USP42: variants seen among roughly 807,000 people sequenced by gnomAD.
USP42 encodes the protein ubiquitin specific peptidase 42.
Under a neutral mutation model 113.0 loss-of-function variants are expected in USP42, and 23 were observed. The ratio of observed to expected loss-of-function variants is 0.20; its 90% confidence interval spans 0.15 to 0.29. USP42 has a LOEUF of 0.29. Ranked by LOEUF, USP42 falls within the 10% of genes least tolerant of loss-of-function variation. The pLI, the probability that USP42 is intolerant of heterozygous loss-of-function variation, is 1.00. For missense variants in USP42, 2,174 were observed against 1,779.8 expected, an observed-to-expected ratio of 1.22 and a Z score of -3.99; for synonymous variants, 933 against 699.0, an observed-to-expected ratio of 1.33 and a Z score of -5.28.
At chr7:6,092,074 TCCTCTTCC>T in the USP42 span, among the ~76,000 whole-genome samples, 8 of 45,024 alleles carry the variant, frequency 1.8e-4, no homozygotes, top group African/African-American at 9.0e-4. Flanking sequence ...TTCTTCTTCT[TCCTCTTCC>T]TCTTCTTCTT....
Position 6,154,056 on chromosome 7 carries a change from C to G in USP42, c.2502C>G (p.Asp834Glu). ...GCGATGCGAGCCCGTTGTCCCAGGA[C>G]GCAAAGGGGATGATCGCGGAGGGCC... is the stretch of plus-strand genomic sequence containing the variant. Reference protein sequence around the residue: ...LTGDASPLSQDAKGMIAEGPR... With the variant: ...LTGDASPLSQEAKGMIAEGPR... Residue 834 changes from aspartate to glutamate, a missense_variant, in exon 15 of 18, where the codon GAC (aspartate) becomes GAG (glutamate). Asp to Glu is a conservative substitution (Grantham distance 45). Transcript: ENST00000306177. 1.2e-6 allele frequency: 2 copies of G among 1,605,982 alleles called. No individual in the cohort carries two copies. The highest frequency in any genetic ancestry group is 1.7e-6 in the Non-Finnish European group (2 of 1,179,312).
At position 6,139,006 on chromosome 7, in the gene USP42, ATATTAT is replaced by A; in HGVS notation, c.554-82_554-77del. On this transcript the variant is annotated intron_variant, in intron 4 of 17. Coordinates refer to ENST00000306177, the MANE Select transcript of USP42 (RefSeq NM_032172.3). The surrounding 1 kb of genome is among the most constrained non-coding windows in gnomAD (Gnocchi z 4.5). ...AGTATTTGGGAGTTTTCCAACCAAC[ATATTAT>A]TATAAGATATATTTTGGGGGGTACA... The A allele has an allele frequency of 3.6e-6, 3 of 825,074 alleles. No homozygotes were observed. The highest frequency in any genetic ancestry group is 5.6e-6 in the Non-Finnish European group (3 of 535,952). 51.1% of individuals were successfully genotyped at this position (825,074 alleles called of 1,614,324 possible). A position where few individuals can be genotyped will look rare whatever the true frequency, so the allele number is the denominator to read the frequency against.
intron 1 of USP42, among the ~76,000 whole-genome samples, chr7:6,106,390 C>G (rs193171585): frequency 3.0e-4 from 46 of 152,294 alleles, no homozygotes; most frequent in Non-Finnish European, 5.7e-4. Context: ...GCCACAGTGT[C>G]TAAATAGTGA....
At chr7:6,088,098 G>A in the USP42 span, among the ~76,000 whole-genome samples, 5 of 150,864 alleles carry the variant, frequency 3.3e-5, 1 homozygote, top group African/African-American at 1.2e-4. Context: ...CCAGGAGTTC[G>A]AGACCCACCT....
intron 14 of USP42, among the ~76,000 whole-genome samples, chr7:6,152,218 C>CA (rs1782103208): frequency 6.6e-6 from 1 of 152,188 alleles, no homozygotes; most frequent in Admixed American, 6.5e-5. Context: ...AGTGACAGCT[C>CA]AGAGTGCGGC....
At position 6,158,940 on chromosome 7, in the gene USP42, GT is replaced by G. The variant is rs5882082; in HGVS notation, c.3944-508del. Among the ~76,000 whole-genome samples the G allele has an allele frequency of 0.087, 13,301 of 152,042 alleles. 992 individuals are homozygous for G. Among genetic ancestry groups the G allele is most frequent in the East Asian group, 0.44 (2,242 of 5,108 alleles). ...CGTGTCTCGGGTGCTGTGGTCAGGC[GT>G]TGTCTGTGTGGTGGCCCTGTGTTTC... On this transcript the variant is annotated intron_variant, in intron 16 of 17. Coordinates refer to ENST00000306177, the MANE Select transcript of USP42 (RefSeq NM_032172.3). This position sits in a 1 kb window ranked among gnomAD's most constrained non-coding sequence, Gnocchi z 4.2.
intron 3 of USP42, among the ~76,000 whole-genome samples, chr7:6,122,809 G>T (rs1035655314): frequency 1.5e-4 from 23 of 150,688 alleles, no homozygotes; most frequent in Non-Finnish European, 3.0e-4. Flanking sequence ...TCACTAAGTT[G>T]CTCAGGCTCA....
chr7:6,111,066 G>C, intron 1 of USP42, 59 bp from the exon 2 acceptor site: 2 of 1,535,598 alleles, frequency 1.3e-6, no homozygotes, highest in Non-Finnish European at 1.8e-6. Context: ...CTAACGGTAG[G>C]GTAAGGAGAT....
chr7:6,129,870 A>G (rs936180013), intron 3 of USP42, among the ~76,000 whole-genome samples: 1 of 152,104 alleles, frequency 6.6e-6, no homozygotes, highest in South Asian at 2.1e-4. Flanking sequence ...CAAAAAAAAA[A>G]AAAAAAGGTT....
chr7:6,114,627 CGT>C (rs1380835040), intron 2 of USP42, among the ~76,000 whole-genome samples: 5 of 112,220 alleles, frequency 4.5e-5, no homozygotes, highest in Middle Eastern at 6.4e-3. Context: ...ACATAAAATA[CGT>C]GTGTGTGTAT....
chr7:6,138,292 A>G (rs1438278642), intron 4 of USP42, among the ~76,000 whole-genome samples: 1 of 152,188 alleles, frequency 6.6e-6, no homozygotes, highest in African/African-American at 2.4e-5. Context: ...TAGCTGTTTA[A>G]TCAATTAGAA....
intron 3 of USP42, among the ~76,000 whole-genome samples, chr7:6,117,790 A>G (rs1779994970): frequency 6.6e-6 from 1 of 152,206 alleles, no homozygotes; most frequent in African/African-American, 2.4e-5. Flanking sequence ...TTGTACTTTC[A>G]TAATGAATAA....
chr7:6,093,563 A>G, the USP42 span, among the ~76,000 whole-genome samples: 1 of 150,440 alleles, frequency 6.6e-6, no homozygotes, highest in Non-Finnish European at 1.5e-5. Context: ...GATTACAGGC[A>G]TGTGCCTCTC....
rs1210429382 is a variant in USP42 at position 6,161,446 on chromosome 7, G to T, written c.*928G>T. Reference sequence around the variant, plus strand: ...AATCTGTATGGTTTATACAGTTTGTGTTGTTCAGAGATGTTTAAAGTTTGA... The same window carrying T: ...AATCTGTATGGTTTATACAGTTTGTTTTGTTCAGAGATGTTTAAAGTTTGA... On this transcript the variant is annotated 3_prime_UTR_variant, in exon 18 of 18. Transcript: ENST00000306177. 6.6e-6 allele frequency: 1 copy of T among 152,572 alleles called. No individual in the cohort carries two copies. Among genetic ancestry groups the T allele is most frequent in the Non-Finnish European group, 1.5e-5 (1 of 68,036 alleles). 9.5% of individuals were successfully genotyped at this position (152,572 alleles called of 1,614,324 possible).
Position 6,154,105 on chromosome 7 carries a change from G to C in USP42, c.2551G>C (p.Ala851Pro), listed in dbSNP as rs112159886. The C allele has an allele frequency of 1.2e-6, 2 of 1,603,746 alleles. No homozygotes were observed. Among genetic ancestry groups the C allele is most frequent in the East Asian group, 4.5e-5 (2 of 44,810 alleles). Residue 851 changes from alanine to proline, a missense_variant, in exon 15 of 18, where the codon GCC becomes CCC. Ala to Pro is a conservative substitution (Grantham distance 27). Transcript: ENST00000306177. Reference sequence around the variant, plus strand: ...CCCGCGGGACTCGGCGTTGGCGGAAGCCCCGGAAGGGTTGAGTCCGGCTCC... The same window carrying C: ...CCCGCGGGACTCGGCGTTGGCGGAACCCCCGGAAGGGTTGAGTCCGGCTCC... Reference protein sequence around the residue: ...EGPRDSALAEAPEGLSPAPPA... With the variant: ...EGPRDSALAEPPEGLSPAPPA...
rs553761080 is a variant in USP42, at chr7:6,154,881, G to A, written c.3327G>A (p.Arg1109=). 5.9e-5 allele frequency: 90 copies of A among 1,526,066 alleles called. No homozygotes were observed. The African/African-American group carries it at 1.1e-3, about 19-fold the overall frequency. 94.5% of individuals were successfully genotyped at this position (1,526,066 alleles called of 1,614,324 possible). A position where few individuals can be genotyped will look rare whatever the true frequency, so the allele number is the denominator to read the frequency against. ...GGGGCTGCGAGCCGGCCCGGGAGAGGGAGCGGCACCGCCCCAGCAGCCCCC... is the reference window on the plus strand; with the variant it reads ...GGGGCTGCGAGCCGGCCCGGGAGAGAGAGCGGCACCGCCCCAGCAGCCCCC... The part of the protein sequence containing the change: ...GRRGCEPARE[R]ERHRPSSPRA... Residue 1109 remains arginine, a synonymous_variant, in exon 15 of 18, where the codon AGG becomes AGA. Transcript: ENST00000306177.
At chr7:6,086,477 T>C in the USP42 span, among the ~76,000 whole-genome samples, 1 of 151,036 alleles carries the variant, frequency 6.6e-6, no homozygotes, top group African/African-American at 2.5e-5. Flanking sequence ...AATGCTGAGA[T>C]TACAGGCGTG....
At chr7:6,128,559 G>A (rs1443786834) in intron 3 of USP42, among the ~76,000 whole-genome samples, 1 of 152,154 alleles carries the variant, frequency 6.6e-6, no homozygotes, top group African/African-American at 2.4e-5. Flanking sequence ...GGGTTGTGCT[G>A]TTCAATCCAT....
At position 6,154,203 on chromosome 7, in the gene USP42, T is replaced by C. The variant is rs1226549542; in HGVS notation, c.2649T>C (p.Ala883=). 1 of 1,605,818 alleles carries C rather than the reference T, an allele frequency of 6.2e-7. No homozygotes were observed. The highest frequency in any genetic ancestry group is 8.5e-7 in the Non-Finnish European group (1 of 1,178,810). ...CCAGCGGGGACCACGCCCGGGACGC[T>C]CAGGACCCATCCCAGAGCTTGGGCG... ...VHPSGDHARD[A]QDPSQSLGAP... Residue 883 remains alanine (A), a synonymous_variant, in exon 15 of 18, where the codon GCT becomes GCC. Transcript: ENST00000306177.
Sources: allele counts gnomAD v4.1 joint callset (sites outside exome capture counted in the v4.1 genomes callset), GRCh38; gene constraint gnomAD v4.1.1; non-coding constraint Gnocchi (gnomAD v3.1); transcripts MANE v1.5; gene names NCBI Gene and HGNC (gene_info 2026-07-23, HGNC 2026-07-21).